SLC44A5: variants seen among roughly 807,000 people sequenced by gnomAD.
The protein encoded by SLC44A5 is solute carrier family 44 member 5, also known as choline transporter-like protein 5.
SLC44A5 carries 57 observed loss-of-function variants against 101.8 expected under a neutral mutation model. The ratio of observed to expected loss-of-function variants is 0.56; its 90% confidence interval spans 0.45 to 0.70. SLC44A5 has a LOEUF of 0.70. SLC44A5 is among the 30% of genes least tolerant of loss of function. The probability of loss-of-function intolerance (pLI) is 0.00; values close to 1 mark genes in which losing one functional copy is unlikely to be tolerated. For synonymous variants in SLC44A5, 281 were observed against 290.9 expected, an observed-to-expected ratio of 0.97 and a Z score of 0.35; for missense variants, 737 against 853.1, an observed-to-expected ratio of 0.86 and a Z score of 1.70.
chr1:75,476,989 C>A (rs1667455026), intron 2 of SLC44A5, among the ~76,000 whole-genome samples: 1 of 152,244 alleles, frequency 6.6e-6, no homozygotes, highest in Non-Finnish European at 1.5e-5. Context: ...AGCAGCCTAA[C>A]TGGGAGGCAC....
chr1:75,487,924 C>T (rs1046694930), intron 2 of SLC44A5, among the ~76,000 whole-genome samples: 1 of 152,170 alleles, frequency 6.6e-6, no homozygotes. Flanking sequence ...CCCCATTTCT[C>T]ACATTACCAC....
chr1:75,213,700 C>A lies in SLC44A5; in HGVS notation c.1962+5G>T. ...GCCTGTACTGACTCAGACACCAGCT[C>A]TTACCAGCAAAGGTACCCAGTAGTA... On this transcript the variant is annotated splice_donor_5th_base_variant and intron_variant, in intron 22 of 23. Coordinates refer to ENST00000370859, the MANE Select transcript of SLC44A5 (RefSeq NM_001130058.2). 1.3e-6 allele frequency: 2 copies of A among 1,598,250 alleles called. No individual in the cohort carries two copies. The highest frequency in any genetic ancestry group is 1.7e-6 in the Non-Finnish European group (2 of 1,166,016).
upstream of SLC44A5, among the ~76,000 whole-genome samples, chr1:75,613,559 T>G (rs1675745885): frequency 6.6e-6 from 1 of 152,224 alleles, no homozygotes; most frequent in Non-Finnish European, 1.5e-5. Context: ...CTAAATGAAC[T>G]TGTTTTAAAA....
At chr1:75,417,200 C>T (rs1339629552) in intron 2 of SLC44A5, among the ~76,000 whole-genome samples, 1 of 152,088 alleles carries the variant, frequency 6.6e-6, no homozygotes, top group Non-Finnish European at 1.5e-5. Flanking sequence ...ACAGGTTTTT[C>T]CCCTGCTGTT....
At chr1:75,309,353 C>T (rs528142979) in intron 4 of SLC44A5, among the ~76,000 whole-genome samples, 4 of 152,216 alleles carry the variant, frequency 2.6e-5, no homozygotes, top group East Asian at 1.9e-4. Flanking sequence ...CTTGAGCTCA[C>T]GAGTTCACTG....
intron 2 of SLC44A5, among the ~76,000 whole-genome samples, chr1:75,453,421 C>T (rs1001448817): frequency 6.6e-6 from 1 of 152,036 alleles, no homozygotes; most frequent in African/African-American, 2.4e-5. Flanking sequence ...TAAACACCTA[C>T]ATCAAAAAGT....
chr1:75,405,573 C>T (rs143516175), intron 2 of SLC44A5, among the ~76,000 whole-genome samples: 12,752 of 152,172 alleles, frequency 0.084, 765 homozygotes, highest in Admixed American at 0.18. Context: ...CATACAACTA[C>T]ATGAAAACTG....
At chr1:75,587,299 T>C (rs1214469048) in intron 1 of SLC44A5, among the ~76,000 whole-genome samples, 2 of 152,180 alleles carry the variant, frequency 1.3e-5, no homozygotes, top group Non-Finnish European at 2.9e-5. Context: ...AATAAAAGCA[T>C]ATCAATAGCA....
the SLC44A5 span, among the ~76,000 whole-genome samples, chr1:75,679,109 A>T: frequency 6.6e-6 from 1 of 152,210 alleles, no homozygotes. Flanking sequence ...ATATGGGACT[A>T]TGTGAAAAGA....
intron 2 of SLC44A5, among the ~76,000 whole-genome samples, chr1:75,440,779 A>T (rs985064659): frequency 1.3e-5 from 2 of 152,138 alleles, no homozygotes; most frequent in Non-Finnish European, 2.9e-5. Context: ...CAAGAAAAAA[A>T]CATTTTCACA....
Position 75,565,480 on chromosome 1 carries a change from A to G in SLC44A5, c.-69-23964T>C, listed in dbSNP as rs556629975. On this transcript the variant is annotated intron_variant, in intron 1 of 23. Coordinates refer to ENST00000370859, the MANE Select transcript of SLC44A5 (RefSeq NM_001130058.2). Reference sequence around the variant, plus strand: ...ATCCTCACGTATGGTAACAAAATTTATAACTAAAATGTATCTATATCAGAG... The same window carrying G: ...ATCCTCACGTATGGTAACAAAATTTGTAACTAAAATGTATCTATATCAGAG... Among the ~76,000 whole-genome samples, 4 of 152,366 alleles carry G rather than the reference A, an allele frequency of 2.6e-5. No individual in the cohort carries two copies. In the South Asian group the frequency reaches 8.3e-4, roughly 32 times the overall value.
intron 2 of SLC44A5, among the ~76,000 whole-genome samples, chr1:75,483,074 G>A (rs181777637): frequency 3.9e-4 from 60 of 152,186 alleles, no homozygotes; most frequent in Middle Eastern, 3.4e-3. Flanking sequence ...TTTGCTGAGC[G>A]TAACAATAAA....
At position 75,441,506 on chromosome 1, in the gene SLC44A5, CAAAT is replaced by C. The variant is rs1473401628; in HGVS notation, c.14-44889_14-44886del. Among the ~76,000 whole-genome samples the C allele has an allele frequency of 3.4e-5, 5 of 148,694 alleles. No homozygotes were observed. In the East Asian group the frequency reaches 7.9e-4, roughly 24 times the overall value. ...TAAAAAAAGTCAAGGAAAAAAAAAACAAATAGAGAGGCCAAAGGTGAAAAAACAG... is the reference window on the plus strand; with the variant it reads ...TAAAAAAAGTCAAGGAAAAAAAAAACAGAGAGGCCAAAGGTGAAAAAACAG... On this transcript the variant is annotated intron_variant, in intron 2 of 23. Coordinates refer to ENST00000370859, the MANE Select transcript of SLC44A5 (RefSeq NM_001130058.2).
chr1:75,256,781 T>A (rs1271221675), intron 6 of SLC44A5, among the ~76,000 whole-genome samples: 2 of 152,096 alleles, frequency 1.3e-5, no homozygotes, highest in Non-Finnish European at 2.9e-5. Context: ...CTGACAAAAG[T>A]TAGCAGAACA....
intron 2 of SLC44A5, among the ~76,000 whole-genome samples, chr1:75,534,501 A>G (rs1019935545): frequency 1.3e-5 from 2 of 152,258 alleles, no homozygotes; most frequent in Non-Finnish European, 2.9e-5. Context: ...CATTAATATA[A>G]TGCTGAAATG....
intron 3 of SLC44A5, among the ~76,000 whole-genome samples, chr1:75,350,322 G>C (rs1234358777): frequency 6.6e-6 from 1 of 150,948 alleles, no homozygotes; most frequent in Non-Finnish European, 1.5e-5. Flanking sequence ...ATCAGGAAGA[G>C]GGCACTCAAC....
rs774005492 is a variant in SLC44A5, at chr1:75,339,628, C to T, written c.55G>A (p.Asp19Asn). The T allele has an allele frequency of 5.6e-6, 9 of 1,607,134 alleles. No homozygotes were observed. The highest frequency in any genetic ancestry group is 7.6e-6 in the Non-Finnish European group (9 of 1,176,732). Residue 19 changes from aspartate (D) to asparagine (N), a missense_variant and splice_region_variant, in exon 4 of 24, where the codon GAT (aspartate) becomes AAT (asparagine). By Grantham distance (23) the Asp-to-Asn change is conservative. This residue lies in a region of SLC44A5 where 665 missense variants were observed against 764.4 expected (regional missense o/e 0.87). Transcript: ENST00000370859. The part of the protein sequence containing the change: ...DTPSEEEDFG[D>N]PRTYDPDFKG... ...AAATCTGGGTCATATGTCCTTGGAT[C>T]ACCTGCATTTAAAACAAAGACATTT...
At chr1:75,552,626 G>GT (rs10715457) in intron 1 of SLC44A5, among the ~76,000 whole-genome samples, 79 of 129,686 alleles carry the variant, frequency 6.1e-4, no homozygotes, top group African/African-American at 7.7e-4. Flanking sequence ...TGTATGGCTG[G>GT]TTTTTTTTTT....
At chr1:75,480,200 C>T (rs1667747567) in intron 2 of SLC44A5, among the ~76,000 whole-genome samples, 1 of 152,162 alleles carries the variant, frequency 6.6e-6, no homozygotes, top group Non-Finnish European at 1.5e-5. Flanking sequence ...CAAAATTCAA[C>T]AATACTTCAT....
Sources: gnomAD v4.1 joint callset for allele counts (sites outside exome capture counted in the v4.1 genomes callset) on GRCh38, gnomAD v4.1.1 for gene constraint, gnomAD v4.1.1 regional missense constraint, MANE v1.5 for transcripts, NCBI Gene and HGNC (gene_info 2026-07-23, HGNC 2026-07-21) for gene names.